MAGI2: variants seen among roughly 807,000 people sequenced by gnomAD.
The protein encoded by MAGI2 is membrane-associated guanylate kinase, WW and PDZ domain-containing protein 2.
Under a neutral mutation model 133.3 loss-of-function variants are expected in MAGI2, and 35 were observed. The ratio of observed to expected loss-of-function variants is 0.26; its 90% CI spans 0.20 to 0.35. MAGI2 has a LOEUF of 0.35. Ranked by LOEUF, MAGI2 falls within the 10% of genes least tolerant of loss-of-function variation. The pLI, the probability that MAGI2 is intolerant of heterozygous loss-of-function variation, is 1.00. For missense variants in MAGI2, 1,636 were observed against 1,863.4 expected (o/e 0.88, Z 2.25); for synonymous variants, 729 against 710.6 (o/e 1.03, Z -0.41).
chr7:79,450,354 T>A (rs1360059509), intron 1 of MAGI2, among the ~76,000 whole-genome samples: 4 of 151,914 alleles, frequency 2.6e-5, no homozygotes. Context: ...TCATTTTTTA[T>A]AATCATAAAT....
chr7:78,950,266 C>T (rs1267355890), intron 2 of MAGI2, among the ~76,000 whole-genome samples: 1 of 152,108 alleles, frequency 6.6e-6, no homozygotes, highest in African/African-American at 2.4e-5. Context: ...TAACACATAT[C>T]CCTATCTAAA....
intron 6 of MAGI2, among the ~76,000 whole-genome samples, chr7:78,417,141 C>A (rs956431570): frequency 6.6e-6 from 1 of 152,006 alleles, no homozygotes; most frequent in African/African-American, 2.4e-5. Flanking sequence ...CTAAATAAAG[C>A]TGCTTTGAGG....
chr7:79,435,832 C>A (rs1379710382), intron 1 of MAGI2, among the ~76,000 whole-genome samples: 2 of 152,024 alleles, frequency 1.3e-5, no homozygotes, highest in African/African-American at 4.8e-5. Flanking sequence ...AGAACAAAGC[C>A]AGAGGCATCA....
At chr7:79,120,902 G>T (rs1348234187) in intron 1 of MAGI2, among the ~76,000 whole-genome samples, 1 of 151,934 alleles carries the variant, frequency 6.6e-6, no homozygotes, top group Admixed American at 6.6e-5. Flanking sequence ...ACAAAATAAA[G>T]GCTACCAACA....
chr7:78,071,283 C>A (rs1388994854), intron 21 of MAGI2, among the ~76,000 whole-genome samples: 6 of 151,860 alleles, frequency 4.0e-5, no homozygotes. Context: ...TGCCTGTAAT[C>A]CCAGCACTTT....
chr7:78,732,564 T>G (rs1821473310), intron 2 of MAGI2, among the ~76,000 whole-genome samples: 1 of 152,150 alleles, frequency 6.6e-6, no homozygotes, highest in African/African-American at 2.4e-5. Context: ...GTGATGTATT[T>G]TGGATATGTG....
chr7:78,285,745 T>C (rs1452556933), intron 9 of MAGI2: 1 of 152,072 alleles, frequency 6.6e-6, no homozygotes, highest in Non-Finnish European at 1.5e-5. Context: ...GATCAGGACA[T>C]CTGCGTGGGG....
At chr7:78,799,581 T>G (rs1787896319) in intron 2 of MAGI2, among the ~76,000 whole-genome samples, 1 of 152,176 alleles carries the variant, frequency 6.6e-6, no homozygotes, top group Admixed American at 6.6e-5. Context: ...CTTGGGACCC[T>G]CTTCTGTGTG....
chr7:78,781,514 C>T (rs1826400922), intron 2 of MAGI2, among the ~76,000 whole-genome samples: 1 of 150,630 alleles, frequency 6.6e-6, no homozygotes, highest in Non-Finnish European at 1.5e-5. Flanking sequence ...ACTAAATAAA[C>T]AAAAAAGGAA....
At chr7:78,028,848 C>CAAAAAAAAAAAAAA (rs56201811) in intron 21 of MAGI2, among the ~76,000 whole-genome samples, 1 of 84,452 alleles carries the variant, frequency 1.2e-5, no homozygotes. Context: ...GACTCCATCT[C>CAAAAAAAAAAAAAA]AAAAAAAAAA....
At chr7:79,203,712 A>G (rs1043809705) in intron 1 of MAGI2, among the ~76,000 whole-genome samples, 2 of 152,048 alleles carry the variant, frequency 1.3e-5, no homozygotes, top group Non-Finnish European at 2.9e-5. Flanking sequence ...CCAATCCACC[A>G]ATCAGTAGGC....
chr7:78,181,646 C>T (rs1429421578), intron 13 of MAGI2, among the ~76,000 whole-genome samples: 2 of 152,174 alleles, frequency 1.3e-5, no homozygotes, highest in Non-Finnish European at 2.9e-5. Context: ...TCTCATGATC[C>T]TCTTCCTAGA....
chr7:79,443,285 C>CATGT (rs1346753032), intron 1 of MAGI2, among the ~76,000 whole-genome samples: 1 of 139,326 alleles, frequency 7.2e-6, no homozygotes, highest in Non-Finnish European at 1.5e-5. Context: ...TGTGTGTGTG[C>CATGT]GTGTGTGTGT....
intron 5 of MAGI2, among the ~76,000 whole-genome samples, chr7:78,490,614 A>G (rs7782195): frequency 0.67 from 101,513 of 151,998 alleles, 34,301 homozygotes; most frequent in East Asian, 0.82. Context: ...GGTGGACAAC[A>G]CATATTAACA....
At chr7:78,203,093 T>C (rs2150766786) in intron 10 of MAGI2, among the ~76,000 whole-genome samples, 1 of 152,352 alleles carries the variant, frequency 6.6e-6, no homozygotes, top group African/African-American at 2.4e-5. Flanking sequence ...TTTTACGGAA[T>C]TGCCAGCAAT....
Position 78,936,596 on chromosome 7 carries a change from C to A in MAGI2, c.418+70494G>T, listed in dbSNP as rs574443117. Among the ~76,000 whole-genome samples, 8 of 152,074 alleles carry A rather than the reference C, an allele frequency of 5.3e-5. No homozygotes were observed. In the South Asian group the frequency reaches 1.0e-3, roughly 20 times the overall value. On this transcript the variant is annotated intron_variant, in intron 2 of 21. Transcript: ENST00000354212. ...GAAAAGAATAACACTAAAAATAACA[C>A]TATAGCCCATTCCTATTAATGCATA...
At chr7:78,624,544 G>T (rs1455169880) in intron 3 of MAGI2, among the ~76,000 whole-genome samples, 1 of 152,080 alleles carries the variant, frequency 6.6e-6, no homozygotes, top group Non-Finnish European at 1.5e-5. Context: ...ACTAATGCAG[G>T]AACAGAAAAC....
intron 10 of MAGI2, among the ~76,000 whole-genome samples, chr7:78,239,280 A>C (rs746446971): frequency 6.6e-6 from 1 of 152,200 alleles, no homozygotes; most frequent in Non-Finnish European, 1.5e-5. Flanking sequence ...CAAAGACTTA[A>C]ATGTAAAACC....
At chr7:79,385,938 T>C (rs1471578290) in intron 1 of MAGI2, among the ~76,000 whole-genome samples, 4 of 152,032 alleles carry the variant, frequency 2.6e-5, no homozygotes, top group Non-Finnish European at 5.9e-5. Context: ...AACATTATGT[T>C]GTAAACCTTA....
Sources: allele counts gnomAD v4.1 joint callset (sites outside exome capture counted in the v4.1 genomes callset), GRCh38; gene constraint gnomAD v4.1.1; transcripts MANE v1.5; gene names NCBI Gene and HGNC (gene_info 2026-07-23, HGNC 2026-07-21).